The following ARAP1 variants were observed in gnomAD, a reference collection of about 807,000 sequenced individuals.
ARAP1 encodes ArfGAP with RhoGAP domain, ankyrin repeat and PH domain 1.
A neutral mutation model predicts 172.2 loss-of-function variants in ARAP1; 76 were observed. The observed-to-expected ratio is 0.44, with a 90% confidence interval of 0.37 to 0.53. The LOEUF is 0.53. ARAP1 is among the 20% of genes least tolerant of loss of function. The probability of loss-of-function intolerance (pLI) is 0.00; values close to 1 mark genes in which losing one functional copy is unlikely to be tolerated. For synonymous variants in ARAP1, 804 were observed against 803.3 expected (o/e 1.00, Z -0.01); for missense variants, 1,686 against 1,977.5 (o/e 0.85, Z 2.80).
In ARAP1 at chr11:72,687,734, C is replaced by T; in HGVS notation, c.4075G>A (p.Gly1359Ser). The T allele has an allele frequency of 1.2e-6, 2 of 1,614,110 alleles. No homozygotes were observed. The highest frequency in any genetic ancestry group is 1.6e-4 in the Middle Eastern group (1 of 6,062). Residue 1359 changes from glycine (G) to serine (S), a missense_variant, in exon 32 of 35, where the codon GGC becomes AGC. Physicochemically the swap from Gly to Ser is moderately conservative, Grantham distance 56 (BLOSUM62 0). Coordinates refer to ENST00000393609, the MANE Select transcript of ARAP1 (RefSeq NM_001040118.3). ...TCTGTCTCATGCACCACTGTGAAGC[C>T]CCAGCTACAGAGGAAGAAGGGAGAG... is the stretch of plus-strand genomic sequence containing the variant. ...KKKLRPPTCW[G>S]FTVVHETEKH...
At chr11:72,686,597 T>C (rs1160958911) in intron 33 of ARAP1, among the ~76,000 whole-genome samples, 2 of 152,214 alleles carry the variant, frequency 1.3e-5, no homozygotes, top group Non-Finnish European at 2.9e-5. Context: ...TTTGTCTCCC[T>C]TTCCCTAAAC....
chr11:72,745,682 G>C, intron 1 of ARAP1, among the ~76,000 whole-genome samples: 1 of 152,118 alleles, frequency 6.6e-6, no homozygotes, highest in Non-Finnish European at 1.5e-5. Context: ...CCAGGAGCCT[G>C]GCCAGGCAAT....
chr11:72,726,576 A>G lies in ARAP1; in HGVS notation c.509+44T>C. On this transcript the variant is annotated intron_variant, in intron 3 of 34. Transcript: ENST00000393609. This position sits in a 1 kb window ranked among gnomAD's most constrained non-coding sequence, Gnocchi z 6.5. ...ACAAACTCCCCATCTACCCTCTGGG[A>G]TCCTCTGCCTGTGCGCCTCCCACCC... 6.9e-7 allele frequency: 1 copy of G among 1,456,420 alleles called. No individual in the cohort carries two copies. The highest frequency in any genetic ancestry group is 9.0e-7 in the Non-Finnish European group (1 of 1,105,684). 90.2% of individuals were successfully genotyped at this position (1,456,420 alleles called of 1,614,324 possible).
Position 72,693,898 on chromosome 11 carries a change from G to T in ARAP1, c.3695-93C>A. On this transcript the variant is annotated intron_variant, in intron 27 of 34. Transcript: ENST00000393609. This position sits in a 1 kb window ranked among gnomAD's most constrained non-coding sequence, Gnocchi z 4.6. The stretch of plus-strand genomic sequence containing the variant: ...GGCACATATCACCTACACATCCCCT[G>T]TCCACTCCAACCATATGCAAGTGCC... 9.8e-7 allele frequency: 1 copy of T among 1,022,342 alleles called. No homozygotes were observed. Among genetic ancestry groups the T allele is most frequent in the Non-Finnish European group, 1.4e-6 (1 of 705,388 alleles). The allele number at this position is 1,022,342 out of a possible 1,614,324, so 63.3% of individuals were successfully genotyped here.
At chr11:72,727,918 A>G (rs1409703061) in intron 2 of ARAP1, among the ~76,000 whole-genome samples, 1 of 152,256 alleles carries the variant, frequency 6.6e-6, no homozygotes, top group African/African-American at 2.4e-5. Flanking sequence ...GGTGATATGA[A>G]GAGGTGACCA....
In ARAP1 at chr11:72,725,520, C is replaced by T. The variant is rs1025115959; in HGVS notation, c.509+1100G>A. ...GCATGTACCCTTTTTGTGCTTCTACCAATCAACCCTCAAAACACCACAGCA... is the reference window on the plus strand; with the variant it reads ...GCATGTACCCTTTTTGTGCTTCTACTAATCAACCCTCAAAACACCACAGCA... On this transcript the variant is annotated intron_variant, in intron 3 of 34. Coordinates refer to ENST00000393609, the MANE Select transcript of ARAP1 (RefSeq NM_001040118.3). This position sits in a 1 kb window ranked among gnomAD's most constrained non-coding sequence, Gnocchi z 4.3. Among the ~76,000 whole-genome samples, 1 of 152,004 alleles carries T rather than the reference C, an allele frequency of 6.6e-6. No individual in the cohort carries two copies. The highest frequency in any genetic ancestry group is 1.5e-5 in the Non-Finnish European group (1 of 68,006).
chr11:72,738,070 A>G (rs1252111671), intron 1 of ARAP1, among the ~76,000 whole-genome samples: 1 of 152,188 alleles, frequency 6.6e-6, no homozygotes, highest in Non-Finnish European at 1.5e-5. Flanking sequence ...CTGGTGAAGT[A>G]AGGGAGGCTT....
intron 27 of ARAP1, 41 bp downstream of exon 27, chr11:72,694,939 A>T (rs199853378): frequency 1.3e-6 from 2 of 1,573,578 alleles, no homozygotes; most frequent in African/African-American, 2.7e-5. Flanking sequence ...CTGAGACAAG[A>T]CAAGCCATAC....
intron 30 of ARAP1, among the ~76,000 whole-genome samples, chr11:72,691,564 C>T (rs1362308668): frequency 6.6e-6 from 1 of 152,090 alleles, no homozygotes; most frequent in African/African-American, 2.4e-5. Context: ...TAGCAGGAGC[C>T]CAGGATGCAT....
chr11:72,711,149 A>C lies in ARAP1; in HGVS notation c.1093-8T>G. 6.2e-7 allele frequency: 1 copy of C among 1,613,884 alleles called. No homozygotes were observed. Among genetic ancestry groups the C allele is most frequent in the Non-Finnish European group, 8.5e-7 (1 of 1,179,934 alleles). On this transcript the variant is annotated splice_polypyrimidine_tract_variant and splice_region_variant and intron_variant, in intron 8 of 34. Transcript: ENST00000393609. ...GCGCTTAGAGTAAGCGTCCTGGGGGAGAGACAGGAACTATATTTTGGGACC... is the reference window on the plus strand; with the variant it reads ...GCGCTTAGAGTAAGCGTCCTGGGGGCGAGACAGGAACTATATTTTGGGACC...
At chr11:72,721,393 T>C (rs899072106) in intron 3 of ARAP1, among the ~76,000 whole-genome samples, 1 of 152,156 alleles carries the variant, frequency 6.6e-6, no homozygotes, top group Admixed American at 6.5e-5. Context: ...ACAGCACCCT[T>C]GAACTTGACA....
chr11:72,709,621 C>T (rs147858745), intron 11 of ARAP1, among the ~76,000 whole-genome samples: 3 of 151,922 alleles, frequency 2.0e-5, no homozygotes, highest in Non-Finnish European at 4.4e-5. Flanking sequence ...AGATGGGCAA[C>T]CCCTGAGCAG....
At position 72,697,608 on chromosome 11, in the gene ARAP1, C is replaced by CCACTAG; in HGVS notation, c.2778_2779insCTAGTG (p.Leu925_Val926dup). On this transcript the variant is annotated inframe_insertion, in exon 20 of 35. Transcript: ENST00000393609. ...GAGGCCGTGGCTCACCTCCTTCGCT[C>CCACTAG]CACCAGCACCAGCACCTGGTTCTCA... 1 of 1,614,166 alleles carries CCACTAG rather than the reference C, an allele frequency of 6.2e-7. No individual in the cohort carries two copies. The highest frequency in any genetic ancestry group is 8.5e-7 in the Non-Finnish European group (1 of 1,179,994).
At chr11:72,702,449 C>T (rs1389161992) in intron 15 of ARAP1, among the ~76,000 whole-genome samples, 1 of 152,158 alleles carries the variant, frequency 6.6e-6, no homozygotes, top group Non-Finnish European at 1.5e-5. Context: ...CCAATGGTAC[C>T]CAAACCAAGT....
intron 3 of ARAP1, among the ~76,000 whole-genome samples, chr11:72,719,018 G>A (rs984736767): frequency 1.2e-4 from 18 of 152,202 alleles, no homozygotes; most frequent in African/African-American, 4.1e-4. Context: ...GCTCTGTAAG[G>A]TAAGGCTCGT....
chr11:72,711,193 C>G (rs372045103), intron 8 of ARAP1, 52 bp from the exon 9 acceptor site: 105 of 1,605,496 alleles, frequency 6.5e-5, no homozygotes, highest in Non-Finnish European at 8.6e-5. Flanking sequence ...CGCTGACTCC[C>G]CCAGCCTCAG....
chr11:72,688,798 C>A, intron 30 of ARAP1: 1 of 442,932 alleles, frequency 2.3e-6, no homozygotes, highest in East Asian at 4.2e-5. Flanking sequence ...GCAGCCGTCC[C>A]AACTGGGACA....
rs1362821504 is a variant in ARAP1, at chr11:72,725,781, C to T, written c.509+839G>A. Among the ~76,000 whole-genome samples, 2 of 152,104 alleles carry T rather than the reference C, an allele frequency of 1.3e-5. No individual in the cohort carries two copies. Among genetic ancestry groups the T allele is most frequent in the Admixed American group, 6.5e-5 (1 of 15,272 alleles). On this transcript the variant is annotated intron_variant, in intron 3 of 34. Coordinates refer to ENST00000393609, the MANE Select transcript of ARAP1 (RefSeq NM_001040118.3). This position sits in a 1 kb window ranked among gnomAD's most constrained non-coding sequence, Gnocchi z 4.3. The stretch of plus-strand genomic sequence containing the variant: ...TAGAAACACAGAGCCCAGCAGAGTG[C>T]CCAGCAATAAACAAACAGGGACCAG...
At chr11:72,715,608 T>C (rs1857238627) in intron 3 of ARAP1, among the ~76,000 whole-genome samples, 1 of 150,492 alleles carries the variant, frequency 6.6e-6, no homozygotes, top group Non-Finnish European at 1.5e-5. Context: ...GGTCTCACTC[T>C]GTGGCAGACT....
Sources: allele counts gnomAD v4.1 joint callset (sites outside exome capture counted in the v4.1 genomes callset), GRCh38; gene constraint gnomAD v4.1.1; non-coding constraint Gnocchi (gnomAD v3.1); transcripts MANE v1.5; gene names NCBI Gene and HGNC (gene_info 2026-07-23, HGNC 2026-07-21).